Variants in GTPBP10 observed in about 807,000 individuals in gnomAD.
GTPBP10 encodes the protein GTP-binding protein 10.
A neutral mutation model predicts 44.8 loss-of-function variants in GTPBP10; 38 were observed. The ratio of observed to expected loss-of-function variants is 0.85; its 90% confidence interval spans 0.65 to 1.11. The LOEUF (loss-of-function observed/expected upper bound fraction) is 1.11. Among genes scored for constraint, GTPBP10 ranks in the 50% most tolerant of loss-of-function variants. The probability of loss-of-function intolerance (pLI) is 0.00; values close to 1 mark genes in which losing one functional copy is unlikely to be tolerated. For missense variants in GTPBP10, 462 were observed against 453.7 expected, an observed-to-expected ratio of 1.02 and a Z score of -0.17; for synonymous variants, 152 against 150.6, an observed-to-expected ratio of 1.01 and a Z score of -0.07.
chr7:90,360,393 G>A (rs1562955520), intron 4 of GTPBP10, among the ~76,000 whole-genome samples: 1 of 152,164 alleles, frequency 6.6e-6, no homozygotes, highest in Non-Finnish European at 1.5e-5. Flanking sequence ...TTATTATATA[G>A]AGAATCCTAT....
intron 2 of GTPBP10, 31 bp downstream of exon 2, chr7:90,353,040 G>A (rs1265117581): frequency 4.9e-6 from 7 of 1,428,982 alleles, no homozygotes; most frequent in East Asian, 4.8e-5. Context: ...TTAAATTTTA[G>A]AAAATCAAAC....
chr7:90,356,004 C>G (rs1795893621), intron 4 of GTPBP10, among the ~76,000 whole-genome samples: 1 of 145,106 alleles, frequency 6.9e-6, no homozygotes, highest in Non-Finnish European at 1.5e-5. Context: ...CACAGTATTA[C>G]ACAGTTATTC....
At chr7:90,379,545 A>G (rs1191611639) in intron 8 of GTPBP10, among the ~76,000 whole-genome samples, 1 of 152,204 alleles carries the variant, frequency 6.6e-6, no homozygotes, top group Admixed American at 6.5e-5. Flanking sequence ...CTAAGACAAC[A>G]TGGTATTGCC....
At chr7:90,382,600 A>G (rs1796451348) in intron 8 of GTPBP10, among the ~76,000 whole-genome samples, 1 of 152,156 alleles carries the variant, frequency 6.6e-6, no homozygotes, top group African/African-American at 2.4e-5. Flanking sequence ...GTTTAATCCA[A>G]GGTAACAAAG....
At chr7:90,360,888 C>G (rs1258013149) in intron 4 of GTPBP10, among the ~76,000 whole-genome samples, 1 of 152,126 alleles carries the variant, frequency 6.6e-6, no homozygotes. Flanking sequence ...ATTTTATTCT[C>G]TTTGAAGCAA....
At chr7:90,377,089 C>T (rs368698632) in intron 6 of GTPBP10, among the ~76,000 whole-genome samples, 11 of 152,036 alleles carry the variant, frequency 7.2e-5, no homozygotes, top group Non-Finnish European at 1.2e-4. Context: ...CTGGGCATGG[C>T]GGTACGCACC....
rs1050335838 is a variant in GTPBP10, at chr7:90,390,963, T to C, written c.*5809T>C. 4.6e-5 allele frequency: 7 copies of C among 152,204 alleles called. No homozygotes were observed. The highest frequency in any genetic ancestry group is 5.9e-5 in the Non-Finnish European group (4 of 68,026). 9.4% of individuals were successfully genotyped at this position (152,204 alleles called of 1,614,324 possible). Reference sequence around the variant, plus strand: ...TCAAGGGCAGACATTGAGTAAAAGCTTATGACTTTGGATGGATTTGAAACA... The same window carrying C: ...TCAAGGGCAGACATTGAGTAAAAGCCTATGACTTTGGATGGATTTGAAACA... On this transcript the variant is annotated 3_prime_UTR_variant, in exon 10 of 10. Transcript: ENST00000222511.
intron 8 of GTPBP10, among the ~76,000 whole-genome samples, chr7:90,378,780 GCT>G (rs1796388562): frequency 3.3e-5 from 5 of 152,024 alleles, no homozygotes. Context: ...CATGATCTCG[GCT>G]CTCTCTGTCT....
rs1276005394 is a variant in GTPBP10 at position 90,352,683 on chromosome 7, T to C, written c.34-133T>C. The C allele has an allele frequency of 5.2e-6, 3 of 576,790 alleles. No individual in the cohort carries two copies. In the Admixed American group the frequency reaches 1.0e-4, roughly 19 times the overall value. The allele number at this position is 576,790 out of a possible 1,614,324, so 35.7% of individuals were successfully genotyped here. A position where few individuals can be genotyped will look rare whatever the true frequency, so the allele number is the denominator to read the frequency against. On this transcript the variant is annotated intron_variant, in intron 1 of 9. Transcript: ENST00000222511. ...GAGATGTGGAGGTGAGCTAAGAAAA[T>C]GTTATAGAATTGGCATGTGAAAAGC...
At chr7:90,350,984 G>T (rs963227339) in intron 1 of GTPBP10, among the ~76,000 whole-genome samples, 3 of 152,174 alleles carry the variant, frequency 2.0e-5, no homozygotes, top group African/African-American at 7.2e-5. Flanking sequence ...AAATGCAAGA[G>T]AACTGTGAGA....
At chr7:90,364,840 C>T (rs1204354707) in intron 4 of GTPBP10, among the ~76,000 whole-genome samples, 1 of 152,188 alleles carries the variant, frequency 6.6e-6, no homozygotes, top group Non-Finnish European at 1.5e-5. Flanking sequence ...CACCCCTCCC[C>T]CGCCAGCCTC....
At chr7:90,367,550 C>G (rs1483233377) in intron 4 of GTPBP10, among the ~76,000 whole-genome samples, 1 of 152,072 alleles carries the variant, frequency 6.6e-6, no homozygotes, top group Non-Finnish European at 1.5e-5. Flanking sequence ...TTCTTTGTCT[C>G]TTTTGATCTT....
intron 1 of GTPBP10, among the ~76,000 whole-genome samples, chr7:90,352,448 C>G (rs560371055): frequency 7.9e-5 from 12 of 152,222 alleles, no homozygotes; most frequent in Non-Finnish European, 1.5e-4. Context: ...AAGCTTTCAT[C>G]CTGGTGGAAA....
chr7:90,381,827 C>T (rs537349119), intron 8 of GTPBP10, among the ~76,000 whole-genome samples: 2 of 152,014 alleles, frequency 1.3e-5, no homozygotes, highest in African/African-American at 2.4e-5. Flanking sequence ...CAGTTTTCTT[C>T]GTCAATAAGT....
chr7:90,383,063 G>C lies in GTPBP10; in HGVS notation c.885G>C (p.Gln295His), dbSNP rs1243330603. 4 of 1,575,104 alleles carry C rather than the reference G, an allele frequency of 2.5e-6. No homozygotes were observed. The highest frequency in any genetic ancestry group is 3.5e-6 in the Non-Finnish European group (4 of 1,156,766). ...ATAAGTTCCATGAATTGATGAGCCA[G>C]CTCCAGAATCCTAAAGGTAAACCTA... ...AQDKFHELMSQLQNPKDFLHL... is the reference protein window; with the variant it reads ...AQDKFHELMSHLQNPKDFLHL... The change falls in exon 9 of 10, where the codon CAG (glutamine) becomes CAC (histidine). Residue 295 changes from glutamine (Q) to histidine (H), a missense_variant. Physicochemically the swap from Gln to His is conservative, Grantham distance 24 (BLOSUM62 0). Transcript: ENST00000222511.
chr7:90,347,472 ATC>A (rs1795700902), intron 1 of GTPBP10: 1 of 236,036 alleles, frequency 4.2e-6, no homozygotes, highest in Admixed American at 6.5e-5. Context: ...CCTCGAGTAT[ATC>A]AGAATGGTCA....
At chr7:90,372,306 A>C (rs1044536390) in intron 5 of GTPBP10, 78 bp downstream of exon 5, 1 of 1,024,836 alleles carries the variant, frequency 9.8e-7, no homozygotes, top group Non-Finnish European at 1.4e-6. Flanking sequence ...GAATGAATAA[A>C]ATGATAACTC....
In GTPBP10 at chr7:90,346,872, T is replaced by G. The variant is rs1225516303; in HGVS notation, c.33+98T>G. The G allele has an allele frequency of 2.9e-6, 4 of 1,376,028 alleles. No homozygotes were observed. In the Admixed American group the frequency reaches 5.3e-5, roughly 18 times the overall value. 85.2% of individuals were successfully genotyped at this position (1,376,028 alleles called of 1,614,324 possible). On this transcript the variant is annotated intron_variant, in intron 1 of 9. Coordinates refer to ENST00000222511, the MANE Select transcript of GTPBP10 (RefSeq NM_033107.4). ...CCACTACTGTCTTCGTGGCGGCCTTTTCCTTGCTTGGTTTTCCCATAGACT... is the reference window on the plus strand; with the variant it reads ...CCACTACTGTCTTCGTGGCGGCCTTGTCCTTGCTTGGTTTTCCCATAGACT...
At chr7:90,380,166 C>T (rs1336588908) in intron 8 of GTPBP10, among the ~76,000 whole-genome samples, 2 of 150,980 alleles carry the variant, frequency 1.3e-5, no homozygotes, top group Admixed American at 1.3e-4. Context: ...GCAACCCCCA[C>T]CTCCCAAGTT....
Sources: gnomAD v4.1 joint callset for allele counts (sites outside exome capture counted in the v4.1 genomes callset) on GRCh38, gnomAD v4.1.1 for gene constraint, MANE v1.5 for transcripts, NCBI Gene and HGNC (gene_info 2026-07-23, HGNC 2026-07-21) for gene names.